Variants in LMX1A observed in about 807,000 individuals in gnomAD.
The protein encoded by LMX1A is LIM homeobox transcription factor 1 alpha, also known as LIM homeobox transcription factor 1-alpha.
Under a neutral mutation model 49.1 loss-of-function variants are expected in LMX1A, and 15 were observed. That is an observed-to-expected ratio of 0.31 (90% CI 0.20 to 0.47). The LOEUF (loss-of-function observed/expected upper bound fraction) is 0.47, where lower values mean the gene tolerates loss of function less well. Ranked by LOEUF, LMX1A falls within the 20% of genes least tolerant of loss-of-function variation. LMX1A has a pLI of 1.00. For synonymous variants in LMX1A, 167 were observed against 185.7 expected, an observed-to-expected ratio of 0.90 and a Z score of 0.82; for missense variants, 372 against 475.8, an observed-to-expected ratio of 0.78 and a Z score of 2.03.
At chr1:165,345,158 G>C (rs1656197956) in intron 3 of LMX1A, among the ~76,000 whole-genome samples, 1 of 152,216 alleles carries the variant, frequency 6.6e-6, no homozygotes, top group African/African-American at 2.4e-5. Context: ...GGCTAATCTG[G>C]AGTTCAGGAG....
rs1487852503 is a variant in LMX1A, at chr1:165,209,545, C to G, written c.747+1154G>C. Among the ~76,000 whole-genome samples, 3 of 152,090 alleles carry G rather than the reference C, an allele frequency of 2.0e-5. No homozygotes were observed. The East Asian group carries it at 5.8e-4, about 29-fold the overall frequency. On this transcript the variant is annotated intron_variant, in intron 6 of 8. Transcript: ENST00000342310. ...ATGCCCAGTGATTTAATTAATCATG[C>G]CTACATTATGAAACCTCCATAAAAT...
chr1:165,274,164 T>C (rs2101698661), intron 3 of LMX1A, among the ~76,000 whole-genome samples: 5 of 152,338 alleles, frequency 3.3e-5, no homozygotes, highest in Admixed American at 3.3e-4. Context: ...CTGGAATGAC[T>C]TTTTCTCTCT....
intron 3 of LMX1A, among the ~76,000 whole-genome samples, chr1:165,270,537 A>T (rs532503063): frequency 5.3e-5 from 8 of 152,296 alleles, no homozygotes; most frequent in Non-Finnish European, 1.0e-4. Flanking sequence ...TAGAGGCCAA[A>T]AGCCACTCAA....
chr1:165,254,853 A>G (rs1433477375), intron 3 of LMX1A, among the ~76,000 whole-genome samples: 1 of 152,176 alleles, frequency 6.6e-6, no homozygotes, highest in Non-Finnish European at 1.5e-5. Context: ...CAAGGCATAC[A>G]TAACACCACC....
chr1:165,206,707 A>T (rs571125987), intron 7 of LMX1A, among the ~76,000 whole-genome samples: 1 of 152,228 alleles, frequency 6.6e-6, no homozygotes, highest in African/African-American at 2.4e-5. Context: ...TACCCTAGGG[A>T]TGCACACAGC....
chr1:165,242,948 C>A (rs61435277), intron 4 of LMX1A, among the ~76,000 whole-genome samples: 33,877 of 123,928 alleles, frequency 0.27, 4,745 homozygotes, highest in Middle Eastern at 0.42. Context: ...AAAAAAAAAA[C>A]AAAACAAAAA....
chr1:165,210,601 G>T, intron 6 of LMX1A, 98 bp downstream of exon 6: 1 of 812,182 alleles, frequency 1.2e-6, no homozygotes, highest in Non-Finnish European at 2.0e-6. Flanking sequence ...TATCCAATGA[G>T]CTAAGGCGAG....
At chr1:165,221,908 TAC>T (rs3038076) in intron 4 of LMX1A, among the ~76,000 whole-genome samples, 19,515 of 126,890 alleles carry the variant, frequency 0.15, 1,366 homozygotes, top group Non-Finnish European at 0.18. Context: ...GTCTCCACTC[TAC>T]ACACACACAC....
At chr1:165,223,310 G>A (rs1341407049) in intron 4 of LMX1A, among the ~76,000 whole-genome samples, 3 of 152,144 alleles carry the variant, frequency 2.0e-5, no homozygotes, top group East Asian at 1.9e-4. Context: ...ACTCTTGGCT[G>A]TTCGTGAACT....
At chr1:165,329,914 G>A (rs1020454974) in intron 3 of LMX1A, among the ~76,000 whole-genome samples, 9 of 152,186 alleles carry the variant, frequency 5.9e-5, no homozygotes, top group African/African-American at 9.7e-5. Context: ...TGGCCCAGCT[G>A]GGAATCAGGG....
intron 4 of LMX1A, chr1:165,215,915 G>A (rs548256297): frequency 5.9e-5 from 9 of 152,166 alleles, no homozygotes; most frequent in Non-Finnish European, 1.3e-4. Flanking sequence ...TGTCACAGAA[G>A]TAGAGTTGTT....
chr1:165,256,837 T>A (rs1420260648), intron 3 of LMX1A, among the ~76,000 whole-genome samples: 1 of 151,994 alleles, frequency 6.6e-6, no homozygotes, highest in Non-Finnish European at 1.5e-5. Context: ...TCTATGACAA[T>A]CAACAAAGAA....
chr1:165,222,453 C>T (rs763974977), intron 4 of LMX1A, among the ~76,000 whole-genome samples: 2 of 152,116 alleles, frequency 1.3e-5, no homozygotes, highest in Non-Finnish European at 2.9e-5. Context: ...TTGGAGTAGT[C>T]CAATTCTGCT....
Position 165,204,009 on chromosome 1 carries a change from G to A in LMX1A, c.1020C>T (p.Ser340=), listed in dbSNP as rs767622092. 2.5e-5 allele frequency: 40 copies of A among 1,613,984 alleles called. No homozygotes were observed. Among genetic ancestry groups the A allele is most frequent in the Admixed American group, 2.2e-4 (13 of 59,998 alleles). The change falls in exon 9 of 9, where the codon AGC becomes AGT. Residue 340 remains serine (S), a synonymous_variant. Transcript: ENST00000342310. The part of the protein sequence containing the change: ...GAEPLFHDLD[S]DDTSLSNLGD... Reference sequence around the variant, plus strand: ...CCAGGTTACTGAGGGAGGTGTCGTCGCTATCCAGGTCATGGAAAAGGGGCT... The same window carrying A: ...CCAGGTTACTGAGGGAGGTGTCGTCACTATCCAGGTCATGGAAAAGGGGCT...
chr1:165,222,328 T>C (rs1385126742), intron 4 of LMX1A, among the ~76,000 whole-genome samples: 1 of 152,210 alleles, frequency 6.6e-6, no homozygotes, highest in Non-Finnish European at 1.5e-5. Context: ...TCCCTATGGT[T>C]CACTAGGCTT....
At chr1:165,346,534 A>G (rs542063629) in intron 3 of LMX1A, among the ~76,000 whole-genome samples, 66 of 152,238 alleles carry the variant, frequency 4.3e-4, no homozygotes, top group Non-Finnish European at 8.4e-4. Flanking sequence ...TTGGTTCACC[A>G]CTGTAAGAAC....
intron 4 of LMX1A, among the ~76,000 whole-genome samples, chr1:165,214,675 G>T (rs1472674540): frequency 6.6e-6 from 1 of 152,128 alleles, no homozygotes; most frequent in African/African-American, 2.4e-5. Context: ...CTGCCAAGTG[G>T]TAGAAAATAT....
chr1:165,216,726 G>T (rs955468638), intron 4 of LMX1A, among the ~76,000 whole-genome samples: 1 of 152,166 alleles, frequency 6.6e-6, no homozygotes, highest in Non-Finnish European at 1.5e-5. Flanking sequence ...CATAACTAAT[G>T]AAAATGTAAA....
intron 3 of LMX1A, among the ~76,000 whole-genome samples, chr1:165,271,364 C>T (rs2101695784): frequency 6.6e-6 from 1 of 152,314 alleles, no homozygotes; most frequent in South Asian, 2.1e-4. Context: ...TCCCTGATGA[C>T]ATTATTGAAC....
Sources: allele counts gnomAD v4.1 joint callset (sites outside exome capture counted in the v4.1 genomes callset), GRCh38; gene constraint gnomAD v4.1.1; transcripts MANE v1.5; gene names NCBI Gene and HGNC (gene_info 2026-07-23, HGNC 2026-07-21).